Variants in SS18L1 observed in about 807,000 individuals in gnomAD.
SS18L1 encodes SS18L1 subunit of BAF chromatin remodeling complex.
Under a neutral mutation model 70.3 loss-of-function variants are expected in SS18L1, and 32 were observed. That is an observed-to-expected ratio of 0.46 (90% CI 0.34 to 0.61). SS18L1 has a LOEUF of 0.61. Among genes scored for constraint, SS18L1 ranks in the 20% least tolerant of loss-of-function variants. The pLI, the probability that SS18L1 is intolerant of heterozygous loss-of-function variation, is 0.01. For synonymous variants in SS18L1, 237 were observed against 229.7 expected, an observed-to-expected ratio of 1.03 and a Z score of -0.29; for missense variants, 430 against 542.1, an observed-to-expected ratio of 0.79 and a Z score of 2.05.
At chr20:62,153,611 G>T (rs1001874504) in intron 1 of SS18L1, among the ~76,000 whole-genome samples, 3 of 152,162 alleles carry the variant, frequency 2.0e-5, no homozygotes, top group Non-Finnish European at 4.4e-5. Flanking sequence ...GCTGAACCAC[G>T]CAGGACCGTG....
Position 62,174,619 on chromosome 20 carries a change from A to G in SS18L1, c.1139A>G (p.Gln380Arg). 1 of 1,613,734 alleles carries G rather than the reference A, an allele frequency of 6.2e-7. No individual in the cohort carries two copies. Among genetic ancestry groups the G allele is most frequent in the Non-Finnish European group, 8.5e-7 (1 of 1,180,030 alleles). ...CCGCAGACAGCGCCGTCTGCCCAGCAGCAGCGGCCCTACGGCTATGAACAG... is the reference window on the plus strand; with the variant it reads ...CCGCAGACAGCGCCGTCTGCCCAGCGGCAGCGGCCCTACGGCTATGAACAG... The part of the protein sequence containing the change: ...RAPQTAPSAQ[Q>R]QRPYGYEQGQ... Residue 380 changes from glutamine (Q) to arginine (R), a missense_variant, in exon 10 of 11, where the codon CAG becomes CGG. By Grantham distance (43) the Gln-to-Arg change is conservative (BLOSUM62 1). Transcript: ENST00000331758. This position sits in a 1 kb window ranked among gnomAD's most constrained non-coding sequence, Gnocchi z 4.1.
At position 62,179,399 on chromosome 20, in the gene SS18L1, G is replaced by C; in HGVS notation, c.*191G>C. ...CACCACTGGCGTGAGACAGCGCTTG[G>C]TGGTGTGATACTTTTGGTGCTGTGT... On this transcript the variant is annotated 3_prime_UTR_variant, in exon 11 of 11. Coordinates refer to ENST00000331758, the MANE Select transcript of SS18L1 (RefSeq NM_198935.3). 1 of 636,878 alleles carries C rather than the reference G, an allele frequency of 1.6e-6. No individual in the cohort carries two copies. Among genetic ancestry groups the C allele is most frequent in the South Asian group, 1.9e-5 (1 of 53,694 alleles). 39.5% of individuals were successfully genotyped at this position (636,878 alleles called of 1,614,324 possible).
intron 10 of SS18L1, among the ~76,000 whole-genome samples, chr20:62,178,799 C>G (rs972586603): frequency 6.6e-6 from 1 of 152,188 alleles, no homozygotes; most frequent in African/African-American, 2.4e-5. Context: ...AACCCATCAC[C>G]CTGGTCGTCC....
chr20:62,168,301 C>T (rs920624540), intron 8 of SS18L1, among the ~76,000 whole-genome samples: 2 of 152,278 alleles, frequency 1.3e-5, no homozygotes, highest in African/African-American at 4.8e-5. Context: ...GAGGAGTGCA[C>T]ATACATGGTG....
In SS18L1 at chr20:62,158,532, C is replaced by G. The variant is rs879400399; in HGVS notation, c.70-140C>G. On this transcript the variant is annotated intron_variant, in intron 1 of 10. Transcript: ENST00000331758. This position sits in a 1 kb window ranked among gnomAD's most constrained non-coding sequence, Gnocchi z 4.5. The stretch of plus-strand genomic sequence containing the variant: ...GGGTCTAATACAGATATCCCCAAAT[C>G]TGGAAAAATCTGAAATCTGACACGT... 1 of 1,386,226 alleles carries G rather than the reference C, an allele frequency of 7.2e-7. No individual in the cohort carries two copies. Among genetic ancestry groups the G allele is most frequent in the Non-Finnish European group, 9.7e-7 (1 of 1,032,302 alleles). The allele number at this position is 1,386,226 out of a possible 1,614,324, so 85.9% of individuals were successfully genotyped here. A position where few individuals can be genotyped will look rare whatever the true frequency, so the allele number is the denominator to read the frequency against.
intron 1 of SS18L1, among the ~76,000 whole-genome samples, chr20:62,147,377 T>C (rs1217056162): frequency 6.6e-6 from 1 of 152,102 alleles, no homozygotes; most frequent in East Asian, 1.9e-4. Flanking sequence ...CTGGGTGTTC[T>C]CTAGCCACCA....
chr20:62,144,542 CG>C (rs892151677), intron 1 of SS18L1, among the ~76,000 whole-genome samples: 88 of 152,368 alleles, frequency 5.8e-4, no homozygotes, highest in African/African-American at 2.1e-3. Context: ...CCGCCCCCTC[CG>C]TATCCTCGCG....
intron 7 of SS18L1, among the ~76,000 whole-genome samples, chr20:62,164,829 A>T (rs1228602189): frequency 6.6e-6 from 1 of 152,182 alleles, no homozygotes; most frequent in Non-Finnish European, 1.5e-5. Context: ...AGGAGGTTGA[A>T]GCTGCATTGA....
In SS18L1 at chr20:62,174,449, TA is replaced by T; in HGVS notation, c.1037-66del. On this transcript the variant is annotated intron_variant, in intron 9 of 10. Transcript: ENST00000331758. This position sits in a 1 kb window ranked among gnomAD's most constrained non-coding sequence, Gnocchi z 4.1. ...AAGAGGAAGTTTTAAAAAAAATTTTTAAGTTAAGAAAAAAAAAGAAAGAGGT... is the reference window on the plus strand; with the variant it reads ...AAGAGGAAGTTTTAAAAAAAATTTTTAGTTAAGAAAAAAAAAGAAAGAGGT... 6.5e-7 allele frequency: 1 copy of T among 1,545,122 alleles called. No individual in the cohort carries two copies. The highest frequency in any genetic ancestry group is 8.7e-7 in the Non-Finnish European group (1 of 1,149,118).
chr20:62,170,749 G>A lies in SS18L1; in HGVS notation c.917-1933G>A, dbSNP rs188703403. Among the ~76,000 whole-genome samples the A allele has an allele frequency of 1.1e-3, 175 of 152,324 alleles. 1 individual carries two copies. The highest frequency in any genetic ancestry group is 4.0e-3 in the African/African-American group (167 of 41,572). ...GGCTGCTGCCAGTTCCCACTAGATC[G>A]CCTGAGCACCCACTGGGGTGTGAGA... On this transcript the variant is annotated intron_variant, in intron 8 of 10. Coordinates refer to ENST00000331758, the MANE Select transcript of SS18L1 (RefSeq NM_198935.3).
Position 62,174,891 on chromosome 20 carries a change from C to A in SS18L1, c.1164+247C>A, listed in dbSNP as rs961093117. 88 of 985,358 alleles carry A rather than the reference C, an allele frequency of 8.9e-5. No individual in the cohort carries two copies. In the African/African-American group the frequency reaches 1.3e-3, roughly 15 times the overall value. The allele number at this position is 985,358 out of a possible 1,614,324, so 61.0% of individuals were successfully genotyped here. ...GTTAGATCTGCACGCCTGGTTCTCA[C>A]ATTCATTCACTCTGCCAGTGTTTGT... On this transcript the variant is annotated intron_variant, in intron 10 of 10. Coordinates refer to ENST00000331758, the MANE Select transcript of SS18L1 (RefSeq NM_198935.3). This position sits in a 1 kb window ranked among gnomAD's most constrained non-coding sequence, Gnocchi z 4.1.
Position 62,156,120 on chromosome 20 carries a change from T to C in SS18L1, c.70-2552T>C, listed in dbSNP as rs6121922. Among the ~76,000 whole-genome samples the C allele has an allele frequency of 9.4e-3, 1,428 of 152,278 alleles. 17 individuals are homozygous for C. The highest frequency in any genetic ancestry group is 0.031 in the African/African-American group (1,282 of 41,560). ...CCTGGCCAGTGCACACCCGCGGGGCTCTGCCTAATGAAGTCAGTGGCTTGC... is the reference window on the plus strand; with the variant it reads ...CCTGGCCAGTGCACACCCGCGGGGCCCTGCCTAATGAAGTCAGTGGCTTGC... On this transcript the variant is annotated intron_variant, in intron 1 of 10. Transcript: ENST00000331758.
chr20:62,180,344 A>G lies in SS18L1; in HGVS notation c.*1136A>G. ...AATCCCATTTAAATTCTGTGTGAAC[A>G]TTAAAGACAGCACACTTGCAAAAGT... On this transcript the variant is annotated 3_prime_UTR_variant, in exon 11 of 11. Coordinates refer to ENST00000331758, the MANE Select transcript of SS18L1 (RefSeq NM_198935.3). 1 of 188,288 alleles carries G rather than the reference A, an allele frequency of 5.3e-6. No homozygotes were observed. The allele number at this position is 188,288 out of a possible 1,614,324, so 11.7% of individuals were successfully genotyped here.
At chr20:62,151,274 G>A (rs934005055) in intron 1 of SS18L1, among the ~76,000 whole-genome samples, 3 of 152,206 alleles carry the variant, frequency 2.0e-5, no homozygotes, top group Admixed American at 1.3e-4. Flanking sequence ...TGGGGCTTCA[G>A]CAGCCCCAGA....
intron 10 of SS18L1, among the ~76,000 whole-genome samples, chr20:62,176,407 G>A (rs781644741): frequency 2.0e-5 from 3 of 152,202 alleles, no homozygotes; most frequent in Non-Finnish European, 2.9e-5. Flanking sequence ...CAGCTACTTG[G>A]AAGGCTGAGG....
At chr20:62,149,702 C>G (rs1448640030) in intron 1 of SS18L1, among the ~76,000 whole-genome samples, 5 of 152,224 alleles carry the variant, frequency 3.3e-5, no homozygotes, top group Non-Finnish European at 2.9e-5. Flanking sequence ...TGCCCAGCAG[C>G]CTTGTAATTG....
At chr20:62,144,347 G>T (rs1468743132) in intron 1 of SS18L1, among the ~76,000 whole-genome samples, 1 of 152,208 alleles carries the variant, frequency 6.6e-6, no homozygotes, top group Non-Finnish European at 1.5e-5. Context: ...CGTTTTCTGC[G>T]CTCATTTTGG....
intron 1 of SS18L1, among the ~76,000 whole-genome samples, chr20:62,148,553 C>G (rs1600987159): frequency 6.6e-6 from 1 of 151,556 alleles, no homozygotes; most frequent in South Asian, 2.1e-4. Context: ...GGCTCGGCCT[C>G]CTTGCTGTCT....
intron 10 of SS18L1, 73 bp from the exon 11 acceptor site, chr20:62,179,109 G>A (rs375412880): frequency 7.1e-5 from 110 of 1,557,156 alleles, no homozygotes; most frequent in Non-Finnish European, 8.5e-5. Flanking sequence ...CCCCCTGTCC[G>A]GGCTGGGGTG....
Sources: gnomAD v4.1 joint callset for allele counts (sites outside exome capture counted in the v4.1 genomes callset) on GRCh38, gnomAD v4.1.1 for gene constraint, Gnocchi (gnomAD v3.1) non-coding constraint, MANE v1.5 for transcripts, NCBI Gene and HGNC (gene_info 2026-07-23, HGNC 2026-07-21) for gene names.